The following USP48 variants were observed in gnomAD, a reference collection of about 807,000 sequenced individuals.
USP48 encodes the protein ubiquitin carboxyl-terminal hydrolase 48.
A neutral mutation model predicts 150.7 loss-of-function variants in USP48; 43 were observed. That is an observed-to-expected ratio of 0.29 (90% CI 0.22 to 0.37). USP48 has a LOEUF of 0.37. Among genes scored for constraint, USP48 ranks in the 10% least tolerant of loss-of-function variants. The probability of loss-of-function intolerance (pLI) is 1.00; values close to 1 mark genes in which losing one functional copy is unlikely to be tolerated. For synonymous variants in USP48, 396 were observed against 425.9 expected (o/e 0.93, Z 0.86); for missense variants, 813 against 1,249.6 (o/e 0.65, Z 5.27).
At chr1:21,748,620 C>T (rs534830303) in intron 6 of USP48, among the ~76,000 whole-genome samples, 4 of 152,294 alleles carry the variant, frequency 2.6e-5, no homozygotes, top group African/African-American at 9.6e-5. Flanking sequence ...CATTTAAAGA[C>T]AGCAAAAAGG....
At chr1:21,757,249 A>C (rs1467632622) in intron 2 of USP48, among the ~76,000 whole-genome samples, 2 of 152,146 alleles carry the variant, frequency 1.3e-5, no homozygotes, top group Non-Finnish European at 2.9e-5. Context: ...GAATGCTAAG[A>C]TTTATGTCTA....
intron 21 of USP48, among the ~76,000 whole-genome samples, chr1:21,702,821 C>T (rs1398274839): frequency 3.9e-5 from 6 of 152,192 alleles, no homozygotes; most frequent in South Asian, 2.1e-4. Flanking sequence ...TCCTCAGTCA[C>T]GCTAGCCACA....
At chr1:21,726,524 T>C (rs2097737543) in intron 11 of USP48, 1 of 152,226 alleles carries the variant, frequency 6.6e-6, no homozygotes, top group Non-Finnish European at 1.5e-5. Context: ...TTCACTTTAG[T>C]GCGCTGTGGG....
chr1:21,767,841 AG>A (rs1269738601), intron 1 of USP48, among the ~76,000 whole-genome samples: 1 of 152,226 alleles, frequency 6.6e-6, no homozygotes, highest in Non-Finnish European at 1.5e-5. Context: ...AAAACTTTAC[AG>A]TGATTTTCAT....
intron 11 of USP48, among the ~76,000 whole-genome samples, chr1:21,725,282 T>G (rs2097733375): frequency 6.6e-6 from 1 of 152,216 alleles, no homozygotes; most frequent in African/African-American, 2.4e-5. Flanking sequence ...TCACTTAAAC[T>G]TTCTATGTTT....
chr1:21,767,340 G>A (rs1448584848), intron 1 of USP48, among the ~76,000 whole-genome samples: 2 of 151,826 alleles, frequency 1.3e-5, no homozygotes, highest in Admixed American at 6.6e-5. Context: ...TTTTTGAGAC[G>A]GTGTCTCGCT....
At chr1:21,778,592 C>A (rs1471495061) in intron 1 of USP48, among the ~76,000 whole-genome samples, 15 of 124,578 alleles carry the variant, frequency 1.2e-4, no homozygotes, top group East Asian at 1.1e-3. Flanking sequence ...CATAGCAAGA[C>A]CCTCATCTTA....
chr1:21,685,329 CTT>C (rs555922788), intron 25 of USP48, among the ~76,000 whole-genome samples: 12 of 136,344 alleles, frequency 8.8e-5, no homozygotes, highest in Admixed American at 7.3e-5. Context: ...GCTTTCTTTT[CTT>C]TTTTTTTTTT....
intron 1 of USP48, among the ~76,000 whole-genome samples, chr1:21,777,778 G>GA (rs1158406395): frequency 1.3e-5 from 2 of 151,914 alleles, no homozygotes; most frequent in Non-Finnish European, 1.5e-5. Context: ...ATAGAAATTA[G>GA]AAAAAATATT....
chr1:21,738,372 T>TTGG (rs2097773388), intron 8 of USP48, among the ~76,000 whole-genome samples: 1 of 137,444 alleles, frequency 7.3e-6, no homozygotes, highest in African/African-American at 2.7e-5. Context: ...TTTTTTTTTT[T>TTGG]GAGATGGAGT....
At chr1:21,682,192 G>T (rs1165544663) in intron 25 of USP48, among the ~76,000 whole-genome samples, 1 of 152,214 alleles carries the variant, frequency 6.6e-6, no homozygotes, top group Admixed American at 6.5e-5. Flanking sequence ...CATCAGGTGT[G>T]AGGGTTACAG....
At chr1:21,771,877 C>T (rs1168109878) in intron 1 of USP48, among the ~76,000 whole-genome samples, 1 of 151,406 alleles carries the variant, frequency 6.6e-6, no homozygotes, top group African/African-American at 2.4e-5. Context: ...GAGATTGCGC[C>T]ATTGCACTCC....
intron 8 of USP48, among the ~76,000 whole-genome samples, chr1:21,739,518 C>CAAAAAAAAAAAAAAAAAAAAAAAAAAAAA (rs61410306): frequency 1.5e-5 from 1 of 66,292 alleles, no homozygotes; most frequent in Non-Finnish European, 2.5e-5. Flanking sequence ...GACTCCGTCT[C>CAAAAAAAAAAAAAAAAAAAAAAAAAAAAA]AAAAAAAAAA....
intron 8 of USP48, among the ~76,000 whole-genome samples, chr1:21,741,073 A>C (rs2097780381): frequency 6.6e-6 from 1 of 152,264 alleles, no homozygotes; most frequent in African/African-American, 2.4e-5. Context: ...AAAAGCATTC[A>C]GAGGTAATAG....
chr1:21,706,305 TC>T, intron 17 of USP48, 118 bp from the exon 18 acceptor site: 2 of 1,483,200 alleles, frequency 1.3e-6, no homozygotes, highest in Non-Finnish European at 1.8e-6. Context: ...GAAAACACAG[TC>T]CTCTACCAAA....
Position 21,747,117 on chromosome 1 carries a change from T to C in USP48, c.941A>G (p.Tyr314Cys). 6.2e-7 allele frequency: 1 copy of C among 1,611,882 alleles called. No homozygotes were observed. The highest frequency in any genetic ancestry group is 8.5e-7 in the Non-Finnish European group (1 of 1,179,702). ...ATCCAAAATTTCTGAGAAGCCAATG[T>C]AGGTATTCAGCTTTTTCTTATGTCC... ...QTGHKKKLNT[Y>C]IGFSEILDME... is the part of the protein sequence containing the mutation. The change falls in exon 8 of 27, where the codon TAC becomes TGC. Residue 314 changes from tyrosine to cysteine, a missense_variant. Physicochemically the swap from Tyr to Cys is radical, Grantham distance 194. Coordinates refer to ENST00000308271, the MANE Select transcript of USP48 (RefSeq NM_032236.8).
At chr1:21,737,235 T>C (rs1374475248) in intron 8 of USP48, among the ~76,000 whole-genome samples, 1 of 152,122 alleles carries the variant, frequency 6.6e-6, no homozygotes, top group Admixed American at 6.5e-5. Context: ...ACATGTATCA[T>C]CACATTAGCA....
intron 1 of USP48, chr1:21,781,854 T>C (rs2097915385): frequency 6.6e-6 from 1 of 152,234 alleles, no homozygotes; most frequent in African/African-American, 2.4e-5. Context: ...ATTCCAGAAC[T>C]TACTGTTAAA....
At chr1:21,735,819 T>C (rs973454258) in intron 9 of USP48, among the ~76,000 whole-genome samples, 8 of 145,396 alleles carry the variant, frequency 5.5e-5, no homozygotes, top group Admixed American at 2.8e-4. Context: ...ACTTGAAAGG[T>C]AGAGTTTACA....
Sources: allele counts gnomAD v4.1 joint callset (sites outside exome capture counted in the v4.1 genomes callset), GRCh38; gene constraint gnomAD v4.1.1; transcripts MANE v1.5; gene names NCBI Gene and HGNC (gene_info 2026-07-23, HGNC 2026-07-21).